The following SDK1 variants were observed in gnomAD, a reference collection of about 807,000 sequenced individuals.
The protein encoded by SDK1 is sidekick cell adhesion molecule 1.
SDK1 carries 157 observed loss-of-function variants against 245.5 expected under a neutral mutation model. The observed-to-expected ratio is 0.64, with a 90% CI of 0.56 to 0.73. The LOEUF (loss-of-function observed/expected upper bound fraction) is 0.73. SDK1 is among the 30% of genes least tolerant of loss of function. The pLI, the probability that SDK1 is intolerant of heterozygous loss-of-function variation, is 0.00. For missense variants in SDK1, 3,583 were observed against 3,002.3 expected (o/e 1.19, Z -4.52); for synonymous variants, 1,647 against 1,278.5 (o/e 1.29, Z -6.15).
At chr7:3,585,321 C>G (rs80342054) in intron 1 of SDK1, among the ~76,000 whole-genome samples, 3 of 152,166 alleles carry the variant, frequency 2.0e-5, no homozygotes, top group African/African-American at 4.8e-5. Flanking sequence ...GGAGAGGAAA[C>G]AGGTAGTTGA....
At chr7:3,613,348 A>C (rs942497810) in intron 1 of SDK1, among the ~76,000 whole-genome samples, 2 of 152,198 alleles carry the variant, frequency 1.3e-5, no homozygotes, top group Non-Finnish European at 2.9e-5. Flanking sequence ...GGTAACATTA[A>C]ATACATTTAC....
intron 19 of SDK1, among the ~76,000 whole-genome samples, chr7:4,059,118 A>G (rs1779379352): frequency 6.6e-6 from 1 of 152,214 alleles, no homozygotes; most frequent in Admixed American, 6.5e-5. Flanking sequence ...AGATTAAAGT[A>G]TCCAAAAGGA....
chr7:3,397,758 G>A (rs1017127345), intron 1 of SDK1, among the ~76,000 whole-genome samples: 3 of 151,802 alleles, frequency 2.0e-5, no homozygotes, highest in African/African-American at 4.8e-5. Context: ...GTGTTTTTGC[G>A]GTTTTTAAAA....
chr7:4,106,798 G>A (rs375095951), intron 22 of SDK1, among the ~76,000 whole-genome samples: 7 of 152,062 alleles, frequency 4.6e-5, no homozygotes, highest in South Asian at 2.1e-4. Context: ...CCTCTTGGTC[G>A]TGGGGGTGGA....
At chr7:3,823,601 T>C (rs1414326022) in intron 5 of SDK1, among the ~76,000 whole-genome samples, 4 of 152,226 alleles carry the variant, frequency 2.6e-5, no homozygotes, top group Admixed American at 2.6e-4. Context: ...AATTTCAGTT[T>C]CTACCCTGAC....
chr7:3,745,297 G>A (rs1046976981), intron 4 of SDK1, among the ~76,000 whole-genome samples: 39 of 152,206 alleles, frequency 2.6e-4, no homozygotes, highest in African/African-American at 9.1e-4. Flanking sequence ...GCTATTAAAT[G>A]TCTAGGCTAA....
intron 35 of SDK1, among the ~76,000 whole-genome samples, chr7:4,197,143 A>G (rs2128224577): frequency 6.6e-6 from 1 of 152,302 alleles, no homozygotes; most frequent in African/African-American, 2.4e-5. Flanking sequence ...TGGCCAGGAC[A>G]GAGACTGGTG....
intron 17 of SDK1, among the ~76,000 whole-genome samples, chr7:4,023,748 C>G (rs1002607240): frequency 6.6e-6 from 1 of 152,306 alleles, no homozygotes; most frequent in African/African-American, 2.4e-5. Context: ...CATATCGATG[C>G]TGACTCGCTG....
chr7:3,671,460 G>C (rs970878970), intron 4 of SDK1, among the ~76,000 whole-genome samples: 1 of 152,070 alleles, frequency 6.6e-6, no homozygotes, highest in African/African-American at 2.4e-5. Flanking sequence ...ATGAAGCTCT[G>C]GTCATTACCC....
At chr7:4,048,449 C>T (rs1468772315) in intron 17 of SDK1, among the ~76,000 whole-genome samples, 5 of 152,186 alleles carry the variant, frequency 3.3e-5, no homozygotes, top group African/African-American at 4.8e-5. Context: ...ACAATCCCAG[C>T]GAGACCCGCG....
chr7:3,977,847 G>T (rs1783079565), intron 13 of SDK1, among the ~76,000 whole-genome samples: 1 of 152,236 alleles, frequency 6.6e-6, no homozygotes, highest in Non-Finnish European at 1.5e-5. Flanking sequence ...TATGTTGGTT[G>T]GTTGCTGCCT....
chr7:3,321,248 A>G (rs1779795295), intron 1 of SDK1, among the ~76,000 whole-genome samples: 1 of 152,228 alleles, frequency 6.6e-6, no homozygotes, highest in Non-Finnish European at 1.5e-5. Context: ...GTCAAAATCA[A>G]AGTGAAAACA....
chr7:3,877,405 G>T (rs753101393), intron 5 of SDK1, among the ~76,000 whole-genome samples: 1 of 152,112 alleles, frequency 6.6e-6, no homozygotes. Flanking sequence ...TTAAACGTTC[G>T]ACATCTCAAA....
intron 5 of SDK1, among the ~76,000 whole-genome samples, chr7:3,856,699 G>A (rs866097979): frequency 6.6e-6 from 1 of 152,106 alleles, no homozygotes; most frequent in Non-Finnish European, 1.5e-5. Context: ...GCTGAGGCAG[G>A]AGTGTCGCTT....
intron 22 of SDK1, among the ~76,000 whole-genome samples, chr7:4,102,799 C>A (rs575196867): frequency 6.6e-6 from 1 of 152,240 alleles, no homozygotes; most frequent in South Asian, 2.1e-4. Context: ...GCTGGGGCTG[C>A]GTGGCGGGCG....
chr7:3,682,834 G>C (rs1196850664), intron 4 of SDK1, among the ~76,000 whole-genome samples: 1 of 151,852 alleles, frequency 6.6e-6, no homozygotes, highest in Admixed American at 6.6e-5. Flanking sequence ...CACTTCCCAG[G>C]TTCAAGTGAT....
intron 4 of SDK1, among the ~76,000 whole-genome samples, chr7:3,678,205 C>G (rs1234919602): frequency 2.0e-5 from 3 of 152,096 alleles, no homozygotes; most frequent in Non-Finnish European, 4.4e-5. Flanking sequence ...GGTTTAGCCA[C>G]CGTGGAAGAC....
intron 4 of SDK1, among the ~76,000 whole-genome samples, chr7:3,795,281 A>AT (rs1257897371): frequency 3.3e-5 from 5 of 152,020 alleles, no homozygotes; most frequent in Non-Finnish European, 2.9e-5. Flanking sequence ...CCTTAGAGGC[A>AT]TGTTGGATAG....
intron 35 of SDK1, among the ~76,000 whole-genome samples, chr7:4,186,796 C>T (rs1782923930): frequency 6.6e-6 from 1 of 152,168 alleles, no homozygotes; most frequent in Admixed American, 6.5e-5. Context: ...CTTGGAATCT[C>T]CTGGGCCCGT....
Sources: gnomAD v4.1 joint callset for allele counts (sites outside exome capture counted in the v4.1 genomes callset) on GRCh38, gnomAD v4.1.1 for gene constraint, MANE v1.5 for transcripts, NCBI Gene and HGNC (gene_info 2026-07-23, HGNC 2026-07-21) for gene names.